The following ADAM10 variants were observed in gnomAD, a reference collection of about 807,000 sequenced individuals.
ADAM10 encodes the protein ADAM metallopeptidase domain 10, also known as disintegrin and metalloproteinase domain-containing protein 10.
In ADAM10, 17 loss-of-function variants were observed where a neutral mutation model predicts 90.1. The observed-to-expected ratio is 0.19, with a 90% CI of 0.13 to 0.28. The LOEUF (loss-of-function observed/expected upper bound fraction) is 0.28. Ranked by LOEUF, ADAM10 falls within the 10% of genes least tolerant of loss-of-function variation. The pLI is 1.00. For synonymous variants in ADAM10, 310 were observed against 298.6 expected, an observed-to-expected ratio of 1.04 and a Z score of -0.40; for missense variants, 610 against 914.3, an observed-to-expected ratio of 0.67 and a Z score of 4.29.
chr15:58,749,457 C>A (rs1325076178), intron 1 of ADAM10, 23 bp downstream of exon 1: 2 of 1,526,602 alleles, frequency 1.3e-6, no homozygotes, highest in East Asian at 5.2e-5. Context: ...GCGGCGCCCC[C>A]GGCGCTCGCA....
intron 4 of ADAM10, among the ~76,000 whole-genome samples, chr15:58,668,882 T>G (rs1897135864): frequency 6.6e-6 from 1 of 152,150 alleles, no homozygotes; most frequent in Admixed American, 6.5e-5. Flanking sequence ...AACTGCTGGC[T>G]CCCATAACCT....
chr15:58,688,094 C>T (rs923783802), intron 2 of ADAM10, among the ~76,000 whole-genome samples: 1 of 152,126 alleles, frequency 6.6e-6, no homozygotes, highest in Non-Finnish European at 1.5e-5. Flanking sequence ...TGCATTGTAC[C>T]AATATCAATC....
chr15:58,611,243 G>A lies in ADAM10; in HGVS notation c.1696-136C>T, dbSNP rs1360677693. The stretch of plus-strand genomic sequence containing the variant: ...ATGAAAGTGAAAAACAAACAGAGAT[G>A]AGTATCAAAACTGAATTACATAAAT... On this transcript the variant is annotated intron_variant, in intron 12 of 15. Transcript: ENST00000260408. 7 of 703,954 alleles carry A rather than the reference G, an allele frequency of 9.9e-6. No individual in the cohort carries two copies. The Admixed American group carries it at 1.4e-4, about 14-fold the overall frequency. 43.6% of individuals were successfully genotyped at this position (703,954 alleles called of 1,614,324 possible). A position where few individuals can be genotyped will look rare whatever the true frequency, so the allele number is the denominator to read the frequency against.
intron 2 of ADAM10, among the ~76,000 whole-genome samples, chr15:58,714,431 T>C (rs1351165868): frequency 1.3e-5 from 2 of 152,132 alleles, no homozygotes; most frequent in Non-Finnish European, 2.9e-5. Flanking sequence ...CAGTATTTAA[T>C]ATATTCTATT....
intron 5 of ADAM10, 49 bp from the exon 6 acceptor site, chr15:58,646,253 CATTTT>C: frequency 1.3e-6 from 2 of 1,536,514 alleles, no homozygotes; most frequent in Non-Finnish European, 1.8e-6. Context: ...TCAATACTAT[CATTTT>C]ATCTAATTAA....
intron 8 of ADAM10, among the ~76,000 whole-genome samples, chr15:58,635,807 A>C (rs1461454798): frequency 6.6e-6 from 1 of 152,048 alleles, no homozygotes; most frequent in Non-Finnish European, 1.5e-5. Flanking sequence ...AAAAAAAAGT[A>C]AATAGGCATA....
At chr15:58,598,848 G>A (rs1253739065) in intron 15 of ADAM10, among the ~76,000 whole-genome samples, 1 of 152,192 alleles carries the variant, frequency 6.6e-6, no homozygotes, top group African/African-American at 2.4e-5. Context: ...AGAGGTAAAA[G>A]GTGGAGACCA....
At chr15:58,650,051 A>T (rs1896647898) in intron 5 of ADAM10, among the ~76,000 whole-genome samples, 6 of 152,208 alleles carry the variant, frequency 3.9e-5, no homozygotes, top group Middle Eastern at 6.8e-3. Flanking sequence ...TGTTGTTAAC[A>T]TTTGTCAATT....
chr15:58,643,866 T>C lies in ADAM10; in HGVS notation c.828+20A>G, dbSNP rs766048693. 1.2e-5 allele frequency: 19 copies of C among 1,566,160 alleles called. No homozygotes were observed. In the South Asian group the frequency reaches 1.7e-4, roughly 14 times the overall value. Reference sequence around the variant, plus strand: ...GACTGTTTCACTTTTTAAGTGTTTTTAACTATTTAAGTTCCTTACTCTTAT... The same window carrying C: ...GACTGTTTCACTTTTTAAGTGTTTTCAACTATTTAAGTTCCTTACTCTTAT... On this transcript the variant is annotated intron_variant, in intron 7 of 15. Transcript: ENST00000260408.
Position 58,598,716 on chromosome 15 carries a change from G to T in ADAM10, c.2152+882C>A, listed in dbSNP as rs529456828. ...TGTAGAGAATAGCTACGAATACCTTGGAGAAGGGGAGGGATAAACAGAGGG... is the reference window on the plus strand; with the variant it reads ...TGTAGAGAATAGCTACGAATACCTTTGAGAAGGGGAGGGATAAACAGAGGG... On this transcript the variant is annotated intron_variant, in intron 15 of 15. Transcript: ENST00000260408. Among the ~76,000 whole-genome samples, 24 of 152,310 alleles carry T rather than the reference G, an allele frequency of 1.6e-4. No homozygotes were observed. The East Asian group carries it at 4.6e-3, about 29-fold the overall frequency.
chr15:58,694,261 C>G (rs1368982405), intron 2 of ADAM10, among the ~76,000 whole-genome samples: 1 of 152,086 alleles, frequency 6.6e-6, no homozygotes, highest in Non-Finnish European at 1.5e-5. Context: ...ACCAGCCTGG[C>G]CAGCATGTTT....
At chr15:58,716,702 C>A (rs1480612859) in intron 2 of ADAM10, among the ~76,000 whole-genome samples, 1 of 152,146 alleles carries the variant, frequency 6.6e-6, no homozygotes, top group Middle Eastern at 3.2e-3. Flanking sequence ...AGAGAAAAGT[C>A]ATCTCATAGC....
At chr15:58,731,873 A>G (rs1188844405) in intron 1 of ADAM10, among the ~76,000 whole-genome samples, 1 of 152,160 alleles carries the variant, frequency 6.6e-6, no homozygotes, top group Non-Finnish European at 1.5e-5. Context: ...CTAGCTGGAC[A>G]AGGGGAACAT....
chr15:58,650,588 C>T (rs1311043491), intron 5 of ADAM10, among the ~76,000 whole-genome samples: 1 of 152,108 alleles, frequency 6.6e-6, no homozygotes, highest in African/African-American at 2.4e-5. Flanking sequence ...AGTCTCTCAG[C>T]CACCTCCTCA....
At chr15:58,611,268 T>C in intron 12 of ADAM10, 161 bp from the exon 13 acceptor site, 1 of 625,996 alleles carries the variant, frequency 1.6e-6, no homozygotes, top group African/African-American at 1.8e-5. Context: ...ATTACATAAA[T>C]ACATTTGAAA....
chr15:58,664,393 ACTT>A (rs1289073330), intron 5 of ADAM10, among the ~76,000 whole-genome samples: 10 of 152,108 alleles, frequency 6.6e-5, no homozygotes, highest in Non-Finnish European at 1.5e-4. Flanking sequence ...ATCAATATGT[ACTT>A]CTTCAATACA....
chr15:58,624,933 C>T (rs1052261534), intron 10 of ADAM10, among the ~76,000 whole-genome samples: 4 of 152,076 alleles, frequency 2.6e-5, no homozygotes, highest in Non-Finnish European at 5.9e-5. Flanking sequence ...GCAATATGTA[C>T]ATTTTTAAAA....
intron 2 of ADAM10, among the ~76,000 whole-genome samples, chr15:58,687,655 C>CT (rs201556176): frequency 3.0e-5 from 4 of 131,782 alleles, no homozygotes; most frequent in Non-Finnish European, 6.0e-5. Context: ...AAACTCCATA[C>CT]TTTTTAAAAA....
At chr15:58,653,265 T>G (rs1896732488) in intron 5 of ADAM10, among the ~76,000 whole-genome samples, 1 of 152,194 alleles carries the variant, frequency 6.6e-6, no homozygotes, top group East Asian at 1.9e-4. Flanking sequence ...TGAGTAACAG[T>G]GCTGAAAGAA....
Sources: allele counts gnomAD v4.1 joint callset (sites outside exome capture counted in the v4.1 genomes callset), GRCh38; gene constraint gnomAD v4.1.1; transcripts MANE v1.5; gene names NCBI Gene and HGNC (gene_info 2026-07-23, HGNC 2026-07-21).